Variants in NEDD9 observed in about 807,000 individuals in gnomAD.
The protein encoded by NEDD9 is neural precursor cell expressed, developmentally down-regulated 9.
NEDD9 carries 26 observed loss-of-function variants against 76.6 expected under a neutral mutation model. The ratio of observed to expected loss-of-function variants is 0.34; its 90% confidence interval spans 0.25 to 0.47. The LOEUF (loss-of-function observed/expected upper bound fraction) is 0.47. Ranked by LOEUF, NEDD9 falls within the 20% of genes least tolerant of loss-of-function variation. The pLI is 1.00. For missense variants in NEDD9, 937 were observed against 1,058.5 expected (o/e 0.89, Z 1.59); for synonymous variants, 392 against 414.2 (o/e 0.95, Z 0.65).
At chr6:11,302,119 CA>C (rs1394348625) in intron 3 of NEDD9, among the ~76,000 whole-genome samples, 1 of 151,434 alleles carries the variant, frequency 6.6e-6, no homozygotes, top group African/African-American at 2.4e-5. Flanking sequence ...AGACTGCTAG[CA>C]AGACCAATAA....
intron 5 of NEDD9, among the ~76,000 whole-genome samples, chr6:11,189,155 C>G (rs142952838): frequency 0.02 from 3,046 of 152,268 alleles, 45 homozygotes; most frequent in South Asian, 0.049. Flanking sequence ...CCATATTGGC[C>G]AGGCTGGTCT....
chr6:11,297,173 C>G (rs1245217646), intron 3 of NEDD9, among the ~76,000 whole-genome samples: 2 of 150,946 alleles, frequency 1.3e-5, no homozygotes, highest in African/African-American at 4.9e-5. Context: ...CTGAGCCAGC[C>G]CCTTTATTCT....
intron 2 of NEDD9, among the ~76,000 whole-genome samples, chr6:11,319,712 AAACATGCACACTCACACACT>A (rs1490569809): frequency 5.2e-4 from 68 of 130,550 alleles, no homozygotes; most frequent in African/African-American, 1.9e-3. Flanking sequence ...ATGCACACAC[AAACATGCACACTCACACACT>A]AACATGCACA....
chr6:11,197,671 T>C (rs535165729), intron 2 of NEDD9, among the ~76,000 whole-genome samples: 1 of 152,322 alleles, frequency 6.6e-6, no homozygotes, highest in Non-Finnish European at 1.5e-5. Context: ...ACTGGCGTTA[T>C]GTTAGTTCTC....
intron 1 of NEDD9, among the ~76,000 whole-genome samples, chr6:11,366,646 CTGA>C (rs1762776435): frequency 6.6e-6 from 1 of 152,150 alleles, no homozygotes; most frequent in Non-Finnish European, 1.5e-5. Context: ...GCATTTTAGT[CTGA>C]TGAAAACCAG....
At chr6:11,210,834 G>A (rs1758767856) in intron 2 of NEDD9, among the ~76,000 whole-genome samples, 1 of 151,160 alleles carries the variant, frequency 6.6e-6, no homozygotes, top group South Asian at 2.1e-4. Flanking sequence ...GAAAGGAAGA[G>A]GCAACCACAC....
intron 3 of NEDD9, among the ~76,000 whole-genome samples, chr6:11,274,113 G>T (rs1196137210): frequency 2.0e-5 from 3 of 152,140 alleles, no homozygotes; most frequent in African/African-American, 7.2e-5. Context: ...CCAAGAACCA[G>T]ATGAGAATTG....
intron 3 of NEDD9, among the ~76,000 whole-genome samples, chr6:11,292,238 C>T (rs1760795997): frequency 6.6e-6 from 1 of 152,262 alleles, no homozygotes; most frequent in South Asian, 2.1e-4. Flanking sequence ...AACCACATGA[C>T]CCGGTGTTAA....
At chr6:11,210,690 C>A (rs1758759290) in intron 2 of NEDD9, among the ~76,000 whole-genome samples, 1 of 144,778 alleles carries the variant, frequency 6.9e-6, no homozygotes, top group South Asian at 2.2e-4. Flanking sequence ...CACCTCCTAG[C>A]AGCTAAGCCA....
At chr6:11,234,265 G>C (rs936320644), upstream of NEDD9, among the ~76,000 whole-genome samples, 1 of 152,162 alleles carries the variant, frequency 6.6e-6, no homozygotes, top group African/African-American at 2.4e-5. Context: ...CAGACTGACC[G>C]GAGAGTCGTT....
chr6:11,303,874 A>G (rs1239778695), intron 3 of NEDD9, among the ~76,000 whole-genome samples: 1 of 152,246 alleles, frequency 6.6e-6, no homozygotes, highest in African/African-American at 2.4e-5. Flanking sequence ...AACCTAGGCA[A>G]TACCATTCAG....
At chr6:11,235,641 G>C (rs959024839), upstream of NEDD9, among the ~76,000 whole-genome samples, 2 of 152,248 alleles carry the variant, frequency 1.3e-5, no homozygotes, top group African/African-American at 4.8e-5. This position sits in a 1 kb window ranked among gnomAD's most constrained non-coding sequence, Gnocchi z 4.1. Context: ...AGTGGTCAGG[G>C]AAGCTCCTCT....
At chr6:11,200,482 C>T (rs983439272) in intron 2 of NEDD9, 32 of 1,069,242 alleles carry the variant, frequency 3.0e-5, no homozygotes, top group Non-Finnish European at 3.7e-5. Context: ...GACAAGACAA[C>T]AGGAACAAGA....
intron 2 of NEDD9, among the ~76,000 whole-genome samples, chr6:11,325,430 A>G (rs1339975797): frequency 6.6e-6 from 1 of 152,100 alleles, no homozygotes; most frequent in Non-Finnish European, 1.5e-5. Flanking sequence ...AGCATTTTCC[A>G]CTGTTCTGGT....
chr6:11,298,504 A>G (rs1295578082), intron 3 of NEDD9, among the ~76,000 whole-genome samples: 2 of 152,258 alleles, frequency 1.3e-5, no homozygotes, highest in Non-Finnish European at 2.9e-5. Flanking sequence ...TGGAAATACC[A>G]TAGAACTAAT....
At chr6:11,189,652 G>A (rs976879722) in intron 5 of NEDD9, among the ~76,000 whole-genome samples, 2 of 152,110 alleles carry the variant, frequency 1.3e-5, no homozygotes, top group African/African-American at 4.8e-5. Context: ...CTTACCTGAG[G>A]TATATCAACG....
chr6:11,217,445 C>T (rs985032300), intron 1 of NEDD9, among the ~76,000 whole-genome samples: 1 of 152,166 alleles, frequency 6.6e-6, no homozygotes, highest in African/African-American at 2.4e-5. Flanking sequence ...GGAAGGTCAA[C>T]ACAGAAACAA....
At chr6:11,279,337 A>G (rs1217346062) in intron 3 of NEDD9, among the ~76,000 whole-genome samples, 1 of 152,158 alleles carries the variant, frequency 6.6e-6, no homozygotes, top group East Asian at 1.9e-4. Context: ...CACAGATGAC[A>G]TTTTCATATT....
chr6:11,320,120 CCTT>C (rs1225420774), intron 2 of NEDD9, among the ~76,000 whole-genome samples: 1 of 152,204 alleles, frequency 6.6e-6, no homozygotes, highest in Non-Finnish European at 1.5e-5. Context: ...TGAGATGTGT[CCTT>C]CTTCTTACAG....
Sources: allele counts gnomAD v4.1 joint callset (sites outside exome capture counted in the v4.1 genomes callset), GRCh38; gene constraint gnomAD v4.1.1; non-coding constraint Gnocchi (gnomAD v3.1); transcripts MANE v1.5; gene names NCBI Gene and HGNC (gene_info 2026-07-23, HGNC 2026-07-21).